The following LONP2 variants were observed in gnomAD, a reference collection of about 807,000 sequenced individuals.
LONP2 encodes lon peptidase 2, peroxisomal.
Under a neutral mutation model 85.6 loss-of-function variants are expected in LONP2, and 60 were observed. That is an observed-to-expected ratio of 0.70 (90% confidence interval 0.57 to 0.87). The LOEUF is 0.87. LONP2 is among the 40% of genes least tolerant of loss of function. The pLI, the probability that LONP2 is intolerant of heterozygous loss-of-function variation, is 0.00. For missense variants in LONP2, 860 were observed against 1,063.5 expected (o/e 0.81, Z 2.66); for synonymous variants, 395 against 389.7 (o/e 1.01, Z -0.16).
At chr16:48,313,637 G>A (rs924695619) in intron 11 of LONP2, among the ~76,000 whole-genome samples, 1 of 152,162 alleles carries the variant, frequency 6.6e-6, no homozygotes, top group Non-Finnish European at 1.5e-5. Flanking sequence ...TTTCATCCAT[G>A]TCCCTGCAGA....
chr16:48,345,431 G>A (rs982134771), intron 12 of LONP2: 2 of 152,166 alleles, frequency 1.3e-5, no homozygotes, highest in African/African-American at 2.4e-5. Flanking sequence ...TCTAATTTGG[G>A]TGACAGATTC....
chr16:48,261,899 A>C (rs1381631675), intron 5 of LONP2, among the ~76,000 whole-genome samples: 1 of 152,214 alleles, frequency 6.6e-6, no homozygotes, highest in Non-Finnish European at 1.5e-5. Context: ...AAGTACAGGG[A>C]AACCTTGATA....
At chr16:48,254,762 T>A (rs778261496) in intron 2 of LONP2, among the ~76,000 whole-genome samples, 2 of 152,230 alleles carry the variant, frequency 1.3e-5, no homozygotes, top group Non-Finnish European at 2.9e-5. Context: ...GAAATGTATC[T>A]TATAGGTATT....
intron 12 of LONP2, among the ~76,000 whole-genome samples, chr16:48,342,544 A>G (rs950979476): frequency 2.6e-5 from 4 of 152,216 alleles, no homozygotes; most frequent in African/African-American, 7.2e-5. Context: ...AAAAGGCCCT[A>G]CTGGAAGGAT....
chr16:48,280,511 A>G (rs1972303983), intron 8 of LONP2, among the ~76,000 whole-genome samples: 2 of 152,242 alleles, frequency 1.3e-5, no homozygotes, highest in Non-Finnish European at 2.9e-5. Context: ...AGCAGCTAGC[A>G]TAATGATATT....
At chr16:48,250,099 C>T (rs905505212) in intron 1 of LONP2, among the ~76,000 whole-genome samples, 21 of 135,340 alleles carry the variant, frequency 1.6e-4, no homozygotes, top group African/African-American at 5.3e-4. Flanking sequence ...GGCTGAGGCA[C>T]GAGAATCCCT....
chr16:48,298,627 G>GT (rs1972728496), intron 9 of LONP2, among the ~76,000 whole-genome samples: 1 of 2,910 alleles, frequency 3.4e-4, no homozygotes, highest in South Asian at 9.1e-3. Flanking sequence ...TTTAATTGAG[G>GT]TGTGTGTGTG....
At chr16:48,316,378 A>G (rs1973145207) in intron 11 of LONP2, among the ~76,000 whole-genome samples, 1 of 132,754 alleles carries the variant, frequency 7.5e-6, no homozygotes. Flanking sequence ...TCAGGCTGGC[A>G]TGCAGTGGCG....
At chr16:48,330,385 G>A (rs1959400615) in intron 11 of LONP2, among the ~76,000 whole-genome samples, 1 of 152,214 alleles carries the variant, frequency 6.6e-6, no homozygotes, top group Non-Finnish European at 1.5e-5. Flanking sequence ...AGTCCATATT[G>A]CTTGAATGTT....
intron 12 of LONP2, chr16:48,343,878 A>G (rs146784980): frequency 1.3e-5 from 2 of 152,342 alleles, no homozygotes; most frequent in African/African-American, 4.8e-5. Flanking sequence ...ACAACTGTAC[A>G]GGTGGGAAAT....
intron 11 of LONP2, among the ~76,000 whole-genome samples, chr16:48,328,242 T>C (rs1959311454): frequency 6.6e-6 from 1 of 152,076 alleles, no homozygotes; most frequent in South Asian, 2.1e-4. Flanking sequence ...AAACCCCGTC[T>C]CTACTAAAAA....
intron 1 of LONP2, among the ~76,000 whole-genome samples, chr16:48,249,227 A>G (rs570744450): frequency 6.6e-6 from 1 of 152,316 alleles, no homozygotes; most frequent in Admixed American, 6.5e-5. Context: ...ACAATATCAT[A>G]ATTAGGATGT....
chr16:48,272,380 T>C (rs1972122931), intron 7 of LONP2, among the ~76,000 whole-genome samples: 1 of 152,226 alleles, frequency 6.6e-6, no homozygotes, highest in African/African-American at 2.4e-5. Context: ...TATAGTGTCA[T>C]GGTTCTCACC....
intron 1 of LONP2, chr16:48,247,329 G>A (rs1301590847): frequency 6.5e-6 from 1 of 153,020 alleles, no homozygotes; most frequent in Non-Finnish European, 1.5e-5. Context: ...TTTCTGTATG[G>A]TAGCCCAGAG....
At chr16:48,302,494 G>T (rs1431277589) in intron 10 of LONP2, among the ~76,000 whole-genome samples, 1 of 152,196 alleles carries the variant, frequency 6.6e-6, no homozygotes, top group Non-Finnish European at 1.5e-5. Context: ...GCCAAAAGTG[G>T]TTTCACTATA....
intron 3 of LONP2, 126 bp downstream of exon 3, chr16:48,256,867 AC>A: frequency 1.2e-6 from 1 of 804,718 alleles, no homozygotes; most frequent in Non-Finnish European, 1.9e-6. Flanking sequence ...AAATGCTTTT[AC>A]ATTTAAACTG....
intron 9 of LONP2, among the ~76,000 whole-genome samples, chr16:48,297,601 A>G (rs957364933): frequency 6.6e-6 from 1 of 152,126 alleles, no homozygotes; most frequent in African/African-American, 2.4e-5. Context: ...GAACCGCCAC[A>G]CTCGGCCCTA....
chr16:48,358,952 A>G (rs1960474234), downstream of LONP2, among the ~76,000 whole-genome samples: 2 of 152,214 alleles, frequency 1.3e-5, no homozygotes, highest in Admixed American at 1.3e-4. Flanking sequence ...ACTTAATAGT[A>G]AAACTACAAA....
chr16:48,269,605 G>A (rs1378070120), intron 6 of LONP2, among the ~76,000 whole-genome samples: 11 of 152,196 alleles, frequency 7.2e-5, no homozygotes, highest in East Asian at 5.8e-4. Flanking sequence ...ATGAGATTAT[G>A]GGTAACTGTT....
Sources: gnomAD v4.1 joint callset for allele counts (sites outside exome capture counted in the v4.1 genomes callset) on GRCh38, gnomAD v4.1.1 for gene constraint, MANE v1.5 for transcripts, NCBI Gene and HGNC (gene_info 2026-07-23, HGNC 2026-07-21) for gene names.